CCDC7: variants seen among roughly 807,000 people sequenced by gnomAD.
CCDC7 encodes coiled-coil domain containing 7.
Under a neutral mutation model 196.9 loss-of-function variants are expected in CCDC7, and 183 were observed. That is an observed-to-expected ratio of 0.93 (90% CI 0.82 to 1.05). CCDC7 has a LOEUF of 1.05. CCDC7 is among the 50% of genes least tolerant of loss of function. The probability of loss-of-function intolerance (pLI) is 0.00; values close to 1 mark genes in which losing one functional copy is unlikely to be tolerated. For synonymous variants in CCDC7, 525 were observed against 484.6 expected, an observed-to-expected ratio of 1.08 and a Z score of -1.10; for missense variants, 1,540 against 1,482.2, an observed-to-expected ratio of 1.04 and a Z score of -0.64.
intron 29 of CCDC7, 64 bp from the exon 31 acceptor site, chr10:32,804,951 A>T (rs548077016): frequency 2.4e-6 from 2 of 845,448 alleles, no homozygotes; most frequent in Admixed American, 1.9e-5. Context: ...ACACACACAC[A>T]CCCCTCACAT....
In CCDC7 at chr10:32,772,736, A is replaced by T. The variant is rs149179018; in HGVS notation, c.2906-6241A>T. Among the ~76,000 whole-genome samples, 1,309 of 152,258 alleles carry T rather than the reference A, an allele frequency of 8.6e-3. 11 individuals are homozygous for T. Among genetic ancestry groups the T allele is most frequent in the Middle Eastern group, 0.02 (6 of 294 alleles). On this transcript the variant is annotated intron_variant, in intron 28 of 41. Transcript: ENST00000639629. ...CATGCTGCTCCTACTTTTATATTCC[A>T]TTATCCTCCCCAAGTCAGTTCCTGC...
intron 18 of CCDC7, among the ~76,000 whole-genome samples, chr10:32,628,349 TTA>T (rs954118679): frequency 6.6e-6 from 1 of 151,934 alleles, no homozygotes; most frequent in Non-Finnish European, 1.5e-5. Flanking sequence ...TTTTTGGTCT[TTA>T]TGTTACATCA....
chr10:32,570,087 T>TA (rs1331797213), intron 15 of CCDC7, among the ~76,000 whole-genome samples: 1 of 152,190 alleles, frequency 6.6e-6, no homozygotes, highest in Non-Finnish European at 1.5e-5. Context: ...TTCATTAACT[T>TA]ACTGAATTTT....
At chr10:32,719,091 A>G (rs2082030655) in intron 25 of CCDC7, among the ~76,000 whole-genome samples, 1 of 152,216 alleles carries the variant, frequency 6.6e-6, no homozygotes, top group South Asian at 2.1e-4. Context: ...AAAAGAACAA[A>G]GCTGGAGGCA....
intron 28 of CCDC7, among the ~76,000 whole-genome samples, chr10:32,741,566 G>A (rs895868056): frequency 6.6e-6 from 1 of 152,166 alleles, no homozygotes; most frequent in Non-Finnish European, 1.5e-5. Flanking sequence ...CACAAATACT[G>A]TATTTGTAAT....
chr10:32,449,830 A>G (rs2032534299), upstream of CCDC7, among the ~76,000 whole-genome samples: 1 of 152,132 alleles, frequency 6.6e-6, no homozygotes, highest in Non-Finnish European at 1.5e-5. Context: ...TACTGCCCTT[A>G]TAAAAGAGGT....
intron 11 of CCDC7, among the ~76,000 whole-genome samples, chr10:32,526,898 T>G (rs1171078701): frequency 6.6e-6 from 1 of 152,128 alleles, no homozygotes; most frequent in Admixed American, 6.5e-5. Context: ...GCATTCCCTT[T>G]GCCATACCAG....
intron 33 of CCDC7, among the ~76,000 whole-genome samples, chr10:32,838,604 T>C (rs1241273706): frequency 6.6e-6 from 1 of 152,036 alleles, no homozygotes; most frequent in Non-Finnish European, 1.5e-5. Context: ...GCTAGAGATA[T>C]AGACATCCAA....
rs570737983 is a variant in CCDC7 at position 32,704,780 on chromosome 10, C to T, written c.2459-6840C>T. 9.3e-4 allele frequency among the ~76,000 whole-genome samples: 141 copies of T among 152,114 alleles called. 1 individual carries two copies. Among genetic ancestry groups the T allele is most frequent in the Middle Eastern group, 6.8e-3 (2 of 294 alleles). ...AGACTGCTGTGCTAGCAATGAGTGACGCTCCGTCAGTCAGTGTAGCACTCT... is the reference window on the plus strand; with the variant it reads ...AGACTGCTGTGCTAGCAATGAGTGATGCTCCGTCAGTCAGTGTAGCACTCT... On this transcript the variant is annotated intron_variant, in intron 24 of 41. Coordinates refer to ENST00000639629, the Ensembl canonical transcript of CCDC7.
At chr10:32,608,178 A>G (rs950937980) in intron 18 of CCDC7, among the ~76,000 whole-genome samples, 6 of 151,752 alleles carry the variant, frequency 4.0e-5, no homozygotes, top group Non-Finnish European at 5.9e-5. Flanking sequence ...TTCTGATTTC[A>G]TTTGGGTCTT....
At chr10:32,712,023 C>A (rs1168046014) in intron 25 of CCDC7, among the ~76,000 whole-genome samples, 1 of 152,092 alleles carries the variant, frequency 6.6e-6, no homozygotes, top group African/African-American at 2.4e-5. Flanking sequence ...TGCTGCTGGC[C>A]ATTTATGGGC....
At chr10:32,610,574 C>A (rs1045384751) in intron 18 of CCDC7, among the ~76,000 whole-genome samples, 1 of 152,144 alleles carries the variant, frequency 6.6e-6, no homozygotes, top group Non-Finnish European at 1.5e-5. Context: ...CTCCCCTTGC[C>A]CTCTACCCCC....
intron 24 of CCDC7, among the ~76,000 whole-genome samples, chr10:32,697,890 C>A (rs1048334834): frequency 3.3e-5 from 5 of 152,172 alleles, no homozygotes; most frequent in African/African-American, 1.2e-4. Flanking sequence ...GTCCCTGACC[C>A]CCCAGTAGGC....
chr10:32,668,399 A>G (rs1240778279), intron 21 of CCDC7, among the ~76,000 whole-genome samples: 1 of 152,106 alleles, frequency 6.6e-6, no homozygotes, highest in African/African-American at 2.4e-5. Context: ...AGAACTTCCA[A>G]CACTATGTTG....
intron 9 of CCDC7, among the ~76,000 whole-genome samples, chr10:32,502,165 C>T (rs1168045993): frequency 6.6e-6 from 1 of 152,202 alleles, no homozygotes; most frequent in Non-Finnish European, 1.5e-5. Context: ...TTGCTGGACT[C>T]TGTGGGGGTG....
chr10:32,857,981 A>G (rs1048671509), intron 41 of CCDC7, among the ~76,000 whole-genome samples: 1 of 152,112 alleles, frequency 6.6e-6, no homozygotes, highest in African/African-American at 2.4e-5. Flanking sequence ...AAGGATCATA[A>G]GAGACTAGTA....
chr10:32,569,765 A>C (rs897292589), intron 15 of CCDC7, among the ~76,000 whole-genome samples: 1 of 152,176 alleles, frequency 6.6e-6, no homozygotes, highest in Non-Finnish European at 1.5e-5. Flanking sequence ...TCCTCTTAGC[A>C]GCATTTAATA....
intron 18 of CCDC7, among the ~76,000 whole-genome samples, chr10:32,598,944 G>A (rs1303302639): frequency 6.6e-6 from 1 of 152,082 alleles, no homozygotes; most frequent in Non-Finnish European, 1.5e-5. Flanking sequence ...CTATCATGTT[G>A]TTCAAGTCAA....
At chr10:32,785,051 C>G (rs1042235247) in intron 29 of CCDC7, among the ~76,000 whole-genome samples, 1 of 152,078 alleles carries the variant, frequency 6.6e-6, no homozygotes. Flanking sequence ...GTATGAAGAA[C>G]TGTGCAGAAT....
Sources: allele counts gnomAD v4.1 joint callset (sites outside exome capture counted in the v4.1 genomes callset), GRCh38; gene constraint gnomAD v4.1.1; transcripts MANE v1.5; gene names NCBI Gene and HGNC (gene_info 2026-07-23, HGNC 2026-07-21).